Variants in LARP4 observed in about 807,000 individuals in gnomAD.
LARP4 encodes La ribonucleoprotein 4.
Under a neutral mutation model 92.9 loss-of-function variants are expected in LARP4, and 29 were observed. The observed-to-expected ratio is 0.31, with a 90% CI of 0.23 to 0.43. The LOEUF is 0.43. Ranked by LOEUF, LARP4 falls within the 20% of genes least tolerant of loss-of-function variation. The probability of loss-of-function intolerance (pLI) is 1.00; values close to 1 mark genes in which losing one functional copy is unlikely to be tolerated. For missense variants in LARP4, 732 were observed against 860.0 expected (o/e 0.85, Z 1.86); for synonymous variants, 279 against 284.1 (o/e 0.98, Z 0.18).
chr12:50,471,872 C>G (rs1956976936), intron 13 of LARP4, among the ~76,000 whole-genome samples: 1 of 152,208 alleles, frequency 6.6e-6, no homozygotes, highest in South Asian at 2.1e-4. Flanking sequence ...TTTACACATT[C>G]TGTGCACTAA....
At chr12:50,441,098 C>T (rs1386404860) in intron 7 of LARP4, among the ~76,000 whole-genome samples, 4 of 151,836 alleles carry the variant, frequency 2.6e-5, no homozygotes, top group Non-Finnish European at 4.4e-5. Flanking sequence ...TTGGTCAGGC[C>T]GGTCTCAAAC....
At chr12:50,443,017 GTCT>G (rs1951464538) in intron 8 of LARP4, among the ~76,000 whole-genome samples, 1 of 152,030 alleles carries the variant, frequency 6.6e-6, no homozygotes, top group Non-Finnish European at 1.5e-5. Flanking sequence ...ATTCTCCTGA[GTCT>G]TCTTAATAGC....
At chr12:50,475,170 T>C (rs967478905) in intron 15 of LARP4, among the ~76,000 whole-genome samples, 4 of 152,206 alleles carry the variant, frequency 2.6e-5, no homozygotes, top group African/African-American at 7.2e-5. Flanking sequence ...TGGGATTCTT[T>C]TGTCATCTTT....
chr12:50,434,411 CT>C (rs1292182964), intron 4 of LARP4, among the ~76,000 whole-genome samples: 199 of 136,946 alleles, frequency 1.5e-3, no homozygotes, highest in East Asian at 3.4e-3. Flanking sequence ...TTTTATTTTT[CT>C]TTTTTTTTTT....
At position 50,453,593 on chromosome 12, in the gene LARP4, C is replaced by G; in HGVS notation, c.938C>G (p.Pro313Arg). The change falls in exon 9 of 16, where the codon CCT becomes CGT. Residue 313 changes from proline (P) to arginine (R), a missense_variant. Transcript: ENST00000398473. ...GTCTTTATGCAGCCTGTATATAATC[C>G]TCACCAACAGTACTCGGTCTATAGT... ...SPVFMQPVYN[P>R]HQQYSVYSIV... is the part of the protein sequence containing the mutation. 2 of 1,613,714 alleles carry G rather than the reference C, an allele frequency of 1.2e-6. No homozygotes were observed.
At position 50,476,464 on chromosome 12, in the gene LARP4, T is replaced by C. The variant is rs533687777; in HGVS notation, c.*600T>C. The C allele has an allele frequency of 6.5e-6, 1 of 152,710 alleles. No individual in the cohort carries two copies. The highest frequency in any genetic ancestry group is 1.9e-4 in the East Asian group (1 of 5,182). 9.5% of individuals were successfully genotyped at this position (152,710 alleles called of 1,614,324 possible). On this transcript the variant is annotated 3_prime_UTR_variant, in exon 16 of 16. Transcript: ENST00000398473. ...TAAATGATTTGAAAACTGAATGTAATACTTGAGTAGATTTTTTTTTCTAGT... is the reference window on the plus strand; with the variant it reads ...TAAATGATTTGAAAACTGAATGTAACACTTGAGTAGATTTTTTTTTCTAGT...
At chr12:50,438,876 A>T (rs1950814193) in intron 6 of LARP4, among the ~76,000 whole-genome samples, 1 of 152,250 alleles carries the variant, frequency 6.6e-6, no homozygotes. Context: ...GATATACATT[A>T]AAGAAGATGA....
chr12:50,475,661 G>A lies in LARP4; in HGVS notation c.1972G>A (p.Glu658Lys), dbSNP rs749369876. The A allele has an allele frequency of 6.2e-7, 1 of 1,613,996 alleles. No individual in the cohort carries two copies. Among genetic ancestry groups the A allele is most frequent in the African/African-American group, 1.3e-5 (1 of 74,908 alleles). The change falls in exon 16 of 16, where the codon GAG (glutamate) becomes AAG (lysine). Residue 658 changes from glutamate (E) to lysine (K), a missense_variant. Glu to Lys is a moderately conservative substitution (Grantham distance 56). Transcript: ENST00000398473. ...CAAAAATGAAGACAATGGAGCTCCT[G>A]AGAACTCCGTTGAGAAACCACATGA... is the stretch of plus-strand genomic sequence containing the variant. ...PTKNEDNGAP[E>K]NSVEKPHEKP... is the part of the protein sequence containing the mutation.
At chr12:50,459,731 G>A (rs1402900168) in intron 10 of LARP4, among the ~76,000 whole-genome samples, 16 of 151,380 alleles carry the variant, frequency 1.1e-4, no homozygotes, top group Non-Finnish European at 2.2e-4. Flanking sequence ...GGCTGAGGCA[G>A]GAGAATCTCT....
At chr12:50,431,447 T>C (rs1052990609) in intron 4 of LARP4, among the ~76,000 whole-genome samples, 1 of 152,228 alleles carries the variant, frequency 6.6e-6, no homozygotes, top group African/African-American at 2.4e-5. Flanking sequence ...CATAGAGTCA[T>C]TTTTGGCAAA....
chr12:50,419,983 A>T (rs906739767), intron 1 of LARP4, among the ~76,000 whole-genome samples: 1 of 152,252 alleles, frequency 6.6e-6, no homozygotes, highest in African/African-American at 2.4e-5. Context: ...GTAGAAAATT[A>T]TGAAGGATGT....
rs1336052490 is a variant in LARP4 at position 50,440,484 on chromosome 12, A to C, written c.685A>C (p.Ser229Arg). The C allele has an allele frequency of 6.2e-7, 1 of 1,614,060 alleles. No individual in the cohort carries two copies. The highest frequency in any genetic ancestry group is 1.1e-5 in the South Asian group (1 of 91,072). ...FKSENCPKVISCEFAHNSNWY... is the reference protein window; with the variant it reads ...FKSENCPKVIRCEFAHNSNWY... The stretch of plus-strand genomic sequence containing the variant: ...AAGTGAAAACTGCCCCAAAGTGATA[A>C]GCTGTGAGTTTGCACACAATAGCAA... Residue 229 changes from serine to arginine, a missense_variant, in exon 7 of 16, where the codon AGC becomes CGC. Physicochemically the swap from Ser to Arg is moderately radical, Grantham distance 110. Around this residue, in one of 7 missense-constraint regions of LARP4, gnomAD observed 236 missense variants for 307.6 expected, o/e 0.77. Transcript: ENST00000398473.
intron 1 of LARP4, among the ~76,000 whole-genome samples, chr12:50,411,409 G>A (rs1427653343): frequency 2.0e-5 from 3 of 151,996 alleles, no homozygotes; most frequent in African/African-American, 7.3e-5. Context: ...GAGTGCAGTG[G>A]CACAATCTCA....
At chr12:50,475,504 T>TC in intron 15 of LARP4, 22 bp from the exon 16 acceptor site, 1 of 1,547,604 alleles carries the variant, frequency 6.5e-7, no homozygotes, top group Non-Finnish European at 8.8e-7. Flanking sequence ...CATAAATGTT[T>TC]TTTTTTATCA....
chr12:50,467,579 A>T (rs1311392147), intron 13 of LARP4, among the ~76,000 whole-genome samples: 1 of 152,184 alleles, frequency 6.6e-6, no homozygotes, highest in Non-Finnish European at 1.5e-5. Flanking sequence ...CTGGGATTAT[A>T]GGCATGAGCC....
intron 4 of LARP4, among the ~76,000 whole-genome samples, chr12:50,434,031 C>T (rs773652855): frequency 6.6e-6 from 1 of 152,028 alleles, no homozygotes; most frequent in Non-Finnish European, 1.5e-5. Flanking sequence ...TGAACAGCAG[C>T]GATCCTTCAT....
At chr12:50,463,722 T>A (rs1955775013) in intron 12 of LARP4, among the ~76,000 whole-genome samples, 1 of 152,186 alleles carries the variant, frequency 6.6e-6, no homozygotes, top group Admixed American at 6.5e-5. Flanking sequence ...GAGGCTGCTC[T>A]CATGGGCCCA....
chr12:50,446,097 G>T (rs1411580404), intron 8 of LARP4, among the ~76,000 whole-genome samples: 4 of 150,072 alleles, frequency 2.7e-5, no homozygotes, highest in Admixed American at 2.7e-4. Context: ...CCGCCTGCTG[G>T]GTTCACGCCA....
intron 1 of LARP4, among the ~76,000 whole-genome samples, chr12:50,411,690 C>CT (rs933228660): frequency 3.4e-5 from 5 of 147,412 alleles, no homozygotes; most frequent in South Asian, 2.2e-4. Flanking sequence ...TTTCTTTTTT[C>CT]TTTTTTTTGA....
Sources: gnomAD v4.1 joint callset for allele counts (sites outside exome capture counted in the v4.1 genomes callset) on GRCh38, gnomAD v4.1.1 for gene constraint, gnomAD v4.1.1 regional missense constraint, MANE v1.5 for transcripts, NCBI Gene and HGNC (gene_info 2026-07-23, HGNC 2026-07-21) for gene names.